The following ARHGEF38 variants were observed in gnomAD, a reference collection of about 807,000 sequenced individuals.
ARHGEF38 encodes the protein Rho guanine nucleotide exchange factor (GEF) 38.
A neutral mutation model predicts 79.9 loss-of-function variants in ARHGEF38; 79 were observed. The ratio of observed to expected loss-of-function variants is 0.99; its 90% confidence interval spans 0.82 to 1.19. The LOEUF is 1.19. ARHGEF38 is among the 50% of genes most tolerant of loss of function. ARHGEF38 has a pLI of 0.00. For missense variants in ARHGEF38, 962 were observed against 907.2 expected (o/e 1.06, Z -0.78); for synonymous variants, 366 against 328.3 (o/e 1.11, Z -1.24).
intron 4 of ARHGEF38, chr4:105,633,202 A>G (rs1442966366): frequency 6.6e-6 from 1 of 152,248 alleles, no homozygotes; most frequent in Non-Finnish European, 1.5e-5. Flanking sequence ...ACTATTTCTT[A>G]AGGGAAAGAA....
intron 1 of ARHGEF38, 117 bp downstream of exon 1, chr4:105,553,078 T>C: frequency 1.4e-6 from 1 of 724,760 alleles, no homozygotes; most frequent in Non-Finnish European, 2.2e-6. Flanking sequence ...CCACCTCTCC[T>C]TCCCACAAAA....
At chr4:105,571,927 G>A (rs985081142) in intron 1 of ARHGEF38, among the ~76,000 whole-genome samples, 1 of 152,158 alleles carries the variant, frequency 6.6e-6, no homozygotes, top group African/African-American at 2.4e-5. Context: ...GAAGCCAGGC[G>A]AAAGTACATT....
chr4:105,641,771 T>G (rs999238009), intron 5 of ARHGEF38, among the ~76,000 whole-genome samples: 3 of 152,120 alleles, frequency 2.0e-5, no homozygotes, highest in African/African-American at 7.2e-5. Flanking sequence ...TTAAAAATCA[T>G]TTTAATTTTC....
At chr4:105,652,336 C>G (rs745541837) in intron 7 of ARHGEF38, among the ~76,000 whole-genome samples, 2 of 152,164 alleles carry the variant, frequency 1.3e-5, no homozygotes, top group Non-Finnish European at 2.9e-5. Flanking sequence ...CTATTATTTT[C>G]ATTAAAACAA....
At chr4:105,682,290 A>T (rs1344916458), downstream of ARHGEF38, among the ~76,000 whole-genome samples, 1 of 152,152 alleles carries the variant, frequency 6.6e-6, no homozygotes, top group Non-Finnish European at 1.5e-5. Flanking sequence ...AGGGAGAGGG[A>T]GAGTCAGTTG....
chr4:105,651,958 T>C (rs1730122848), intron 7 of ARHGEF38, among the ~76,000 whole-genome samples: 1 of 152,226 alleles, frequency 6.6e-6, no homozygotes, highest in Admixed American at 6.5e-5. Context: ...ATTCCTGCCA[T>C]GTCTTCTTTC....
At chr4:105,601,710 C>A (rs1281635476) in intron 2 of ARHGEF38, among the ~76,000 whole-genome samples, 1 of 152,030 alleles carries the variant, frequency 6.6e-6, no homozygotes, top group East Asian at 1.9e-4. Flanking sequence ...CAGGCATCAG[C>A]GGTCAGAGAA....
chr4:105,681,777 T>A (rs1189103159), downstream of ARHGEF38, among the ~76,000 whole-genome samples: 1 of 152,196 alleles, frequency 6.6e-6, no homozygotes, highest in Non-Finnish European at 1.5e-5. Flanking sequence ...ATAAATGGGT[T>A]AACAATGTAC....
intron 3 of ARHGEF38, among the ~76,000 whole-genome samples, chr4:105,623,789 G>A (rs1321632929): frequency 6.6e-6 from 1 of 152,092 alleles, no homozygotes; most frequent in Non-Finnish European, 1.5e-5. Flanking sequence ...CTCTCAGAAG[G>A]GACTCTAGCT....
intron 5 of ARHGEF38, among the ~76,000 whole-genome samples, chr4:105,639,667 C>G (rs982530249): frequency 1.3e-5 from 2 of 151,888 alleles, no homozygotes; most frequent in Non-Finnish European, 2.9e-5. Flanking sequence ...GTCAAATTTA[C>G]CATGTACTCT....
intron 2 of ARHGEF38, among the ~76,000 whole-genome samples, chr4:105,609,648 AGCAACCT>A (rs1728200669): frequency 1.3e-5 from 2 of 152,104 alleles, no homozygotes. Flanking sequence ...GAAGCGCCAA[AGCAACCT>A]TGAGCAAAAT....
At chr4:105,599,920 C>T (rs1265543888) in intron 2 of ARHGEF38, among the ~76,000 whole-genome samples, 4 of 152,060 alleles carry the variant, frequency 2.6e-5, no homozygotes, top group South Asian at 4.2e-4. Flanking sequence ...TTGTGAGAGG[C>T]CTCTTATAGC....
Position 105,667,623 on chromosome 4 carries a change from A to C in ARHGEF38, c.2068A>C (p.Ser690Arg). The change falls in exon 13 of 14, where the codon AGC (serine) becomes CGC (arginine). Residue 690 changes from serine (S) to arginine (R), a missense_variant. Transcript: ENST00000420470. ...GTSESSIGDSSSSLSGTCGKF... is the reference protein window; with the variant it reads ...GTSESSIGDSRSSLSGTCGKF... ...CTCAGAAAGCAGCATTGGTGATAGC[A>C]GCTCATCTCTTAGTGGCACATGTGG... 6.5e-7 allele frequency: 1 copy of C among 1,536,650 alleles called. No homozygotes were observed. The highest frequency in any genetic ancestry group is 8.7e-7 in the Non-Finnish European group (1 of 1,147,000).
intron 13 of ARHGEF38, among the ~76,000 whole-genome samples, chr4:105,674,976 C>T (rs1261324666): frequency 6.6e-6 from 1 of 152,048 alleles, no homozygotes; most frequent in Non-Finnish European, 1.5e-5. Flanking sequence ...AGATGATTAC[C>T]AACCACTAAT....
rs1725051093 is a variant in ARHGEF38, at chr4:105,552,680, T to C, written c.-86T>C. ...AGTTAGAAGGGAGCAGATAAACTCG[T>C]CACTCTAGTAGCTTTAACCCTCACC... is the stretch of plus-strand genomic sequence containing the variant. On this transcript the variant is annotated 5_prime_UTR_variant, in exon 1 of 14. Transcript: ENST00000420470. 8.9e-7 allele frequency: 1 copy of C among 1,127,426 alleles called. No homozygotes were observed. Among genetic ancestry groups the C allele is most frequent in the Admixed American group, 2.5e-5 (1 of 39,516 alleles). The allele number at this position is 1,127,426 out of a possible 1,614,324, so 69.8% of individuals were successfully genotyped here. A position where few individuals can be genotyped will look rare whatever the true frequency, so the allele number is the denominator to read the frequency against.
At chr4:105,613,154 G>A (rs1295588067) in intron 2 of ARHGEF38, among the ~76,000 whole-genome samples, 7 of 152,076 alleles carry the variant, frequency 4.6e-5, no homozygotes, top group African/African-American at 9.7e-5. Flanking sequence ...ATAGATGTAT[G>A]TTTGATACAA....
intron 2 of ARHGEF38, among the ~76,000 whole-genome samples, chr4:105,603,643 T>C (rs1277708670): frequency 1.3e-5 from 2 of 152,156 alleles, no homozygotes; most frequent in African/African-American, 4.8e-5. Flanking sequence ...ACCTTCATAT[T>C]CTGCCATTCA....
intron 2 of ARHGEF38, among the ~76,000 whole-genome samples, chr4:105,595,724 T>C (rs920235892): frequency 1.3e-5 from 2 of 152,206 alleles, no homozygotes; most frequent in Non-Finnish European, 2.9e-5. Flanking sequence ...CACATCCTAC[T>C]GTATACTTTA....
At chr4:105,648,071 G>A (rs531718745) in intron 6 of ARHGEF38, among the ~76,000 whole-genome samples, 2 of 151,834 alleles carry the variant, frequency 1.3e-5, no homozygotes, top group East Asian at 3.9e-4. Flanking sequence ...TGTATTTTTA[G>A]TAGAGACGAG....
Sources: allele counts gnomAD v4.1 joint callset (sites outside exome capture counted in the v4.1 genomes callset), GRCh38; gene constraint gnomAD v4.1.1; transcripts MANE v1.5; gene names NCBI Gene and HGNC (gene_info 2026-07-23, HGNC 2026-07-21).